Variants in KIF13B observed in about 807,000 individuals in gnomAD.
KIF13B encodes kinesin family member 13B, also known as kinesin-like protein KIF13B.
KIF13B carries 127 observed loss-of-function variants against 222.0 expected under a neutral mutation model. The observed-to-expected ratio is 0.57, with a 90% CI of 0.50 to 0.66. KIF13B has a LOEUF of 0.66. Ranked by LOEUF, KIF13B falls within the 30% of genes least tolerant of loss-of-function variation. The pLI is 0.00. For missense variants in KIF13B, 2,173 were observed against 2,379.0 expected (o/e 0.91, Z 1.80); for synonymous variants, 976 against 919.0 (o/e 1.06, Z -1.12).
At chr8:29,236,025 G>A (rs933651722) in intron 2 of KIF13B, among the ~76,000 whole-genome samples, 52 of 152,186 alleles carry the variant, frequency 3.4e-4, no homozygotes, top group African/African-American at 1.1e-3. Context: ...CAAATGATCC[G>A]GCTTCTTCAA....
At chr8:29,263,126 G>GAGCC (rs887523861), upstream of KIF13B, 9 of 1,114,640 alleles carry the variant, frequency 8.1e-6, no homozygotes, top group Admixed American at 8.9e-5. Context: ...GCCGGGGGCG[G>GAGCC]AGCCGGGGGT....
Position 29,071,329 on chromosome 8 carries a change from T to C in KIF13B, c.5218+291A>G, listed in dbSNP as rs1371690927. 6.6e-6 allele frequency among the ~76,000 whole-genome samples: 1 copy of C among 151,468 alleles called. No individual in the cohort carries two copies. Among genetic ancestry groups the C allele is most frequent in the Non-Finnish European group, 1.5e-5 (1 of 67,860 alleles). On this transcript the variant is annotated intron_variant, in intron 39 of 39. Transcript: ENST00000524189. The surrounding 1 kb of genome is among the most constrained non-coding windows in gnomAD (Gnocchi z 4.9). Reference sequence around the variant, plus strand: ...GGATGAGAAAGCAGAGCCCAGGGAGTGCAGAGGGCAGGGGAGACCGGAACA... The same window carrying C: ...GGATGAGAAAGCAGAGCCCAGGGAGCGCAGAGGGCAGGGGAGACCGGAACA...
At chr8:29,190,655 G>C (rs1483494930) in intron 4 of KIF13B, 1 of 224,298 alleles carries the variant, frequency 4.5e-6, no homozygotes, top group Non-Finnish European at 8.8e-6. Context: ...TTGGAAGCCA[G>C]TAGGTCAGAA....
Position 29,163,874 on chromosome 8 carries a change from G to C in KIF13B, c.1269+1788C>G, listed in dbSNP as rs535484054. Among the ~76,000 whole-genome samples, 263 of 152,286 alleles carry C rather than the reference G, an allele frequency of 1.7e-3. 2 individuals carry two copies. The highest frequency in any genetic ancestry group is 5.9e-3 in the African/African-American group (247 of 41,552). ...TCATGACAACAAATGTTTACTGTTG[G>C]AGCAGCTCAGAATGGCTCACACAAA... On this transcript the variant is annotated intron_variant, in intron 12 of 39. Transcript: ENST00000524189.
intron 1 of KIF13B, among the ~76,000 whole-genome samples, chr8:29,256,305 C>G (rs1348322146): frequency 1.3e-5 from 2 of 152,184 alleles, no homozygotes; most frequent in Non-Finnish European, 2.9e-5. Flanking sequence ...GCAGCGGATT[C>G]CCCAAGTTCA....
At chr8:29,225,829 T>C (rs1433699122) in intron 2 of KIF13B, among the ~76,000 whole-genome samples, 1 of 152,192 alleles carries the variant, frequency 6.6e-6, no homozygotes, top group Non-Finnish European at 1.5e-5. Context: ...TTCCAAATGT[T>C]CAGTACATGG....
intron 1 of KIF13B, among the ~76,000 whole-genome samples, chr8:29,252,061 G>C (rs909937068): frequency 6.6e-6 from 1 of 152,020 alleles, no homozygotes; most frequent in Non-Finnish European, 1.5e-5. Context: ...GAAGGGGGAA[G>C]CGGGAAGGAA....
At chr8:29,251,018 G>A (rs767917168) in intron 1 of KIF13B, among the ~76,000 whole-genome samples, 7 of 152,128 alleles carry the variant, frequency 4.6e-5, no homozygotes, top group Non-Finnish European at 8.8e-5. Context: ...GGGCGTGGAG[G>A]TGGGAGCCTG....
intron 36 of KIF13B, among the ~76,000 whole-genome samples, chr8:29,096,573 C>T (rs144438773): frequency 2.0e-4 from 30 of 152,118 alleles, no homozygotes; most frequent in African/African-American, 6.5e-4. Context: ...TGGGAGCTAC[C>T]GCACCCGGCC....
At chr8:29,262,795 G>A (rs1816733334) in intron 1 of KIF13B, among the ~76,000 whole-genome samples, 185 bp downstream of exon 1, 1 of 151,332 alleles carries the variant, frequency 6.6e-6, no homozygotes, top group African/African-American at 2.4e-5. Context: ...AGGGGGGAAG[G>A]GAGGGGAGAA....
intron 10 of KIF13B, among the ~76,000 whole-genome samples, chr8:29,168,261 T>G (rs1387700596): frequency 6.6e-6 from 1 of 152,232 alleles, no homozygotes; most frequent in Non-Finnish European, 1.5e-5. Context: ...AACTGCTAAG[T>G]ACAGTGAAAC....
intron 2 of KIF13B, among the ~76,000 whole-genome samples, chr8:29,242,792 C>G (rs975453357): frequency 3.3e-5 from 5 of 152,168 alleles, no homozygotes; most frequent in African/African-American, 1.2e-4. Flanking sequence ...ATGTTTTGAC[C>G]TGGTTTTCCA....
At chr8:29,174,811 T>G (rs904250128) in intron 10 of KIF13B, among the ~76,000 whole-genome samples, 1 of 152,234 alleles carries the variant, frequency 6.6e-6, no homozygotes, top group African/African-American at 2.4e-5. Context: ...GAATGTTTTA[T>G]TTTAACAAAA....
intron 32 of KIF13B, 61 bp from the exon 33 acceptor site, chr8:29,110,131 G>T: frequency 7.5e-7 from 1 of 1,335,542 alleles, no homozygotes. Flanking sequence ...ACACGTACAC[G>T]CGTGCACACA....
chr8:29,071,261 A>T lies in KIF13B; in HGVS notation c.5218+359T>A, dbSNP rs1025876796. 5.3e-5 allele frequency among the ~76,000 whole-genome samples: 8 copies of T among 152,222 alleles called. No individual in the cohort carries two copies. Among genetic ancestry groups the T allele is most frequent in the Admixed American group, 5.2e-4 (8 of 15,304 alleles). ...CGAGATGTGTCCGGATGGGGTGAGG[A>T]AGAGCCTCCTGGAACGGCAAAGGGG... is the stretch of plus-strand genomic sequence containing the variant. On this transcript the variant is annotated intron_variant, in intron 39 of 39. Coordinates refer to ENST00000524189, the MANE Select transcript of KIF13B (RefSeq NM_015254.4). This position sits in a 1 kb window ranked among gnomAD's most constrained non-coding sequence, Gnocchi z 4.9.
chr8:29,231,199 AG>A (rs1254775916), intron 2 of KIF13B, among the ~76,000 whole-genome samples: 1 of 152,168 alleles, frequency 6.6e-6, no homozygotes, highest in African/African-American at 2.4e-5. Context: ...ACTCTTAACC[AG>A]TCTCTGTCCC....
chr8:29,132,176 G>T (rs1810372961), intron 23 of KIF13B, 132 bp downstream of exon 23: 2 of 517,066 alleles, frequency 3.9e-6, no homozygotes, highest in Non-Finnish European at 6.2e-6. Context: ...CTCCCAGGAG[G>T]CAGAGGCTGC....
rs373129126 is a variant in KIF13B at position 29,104,635 on chromosome 8, C to G, written c.4215+3504G>C. Among the ~76,000 whole-genome samples, 3 of 152,192 alleles carry G rather than the reference C, an allele frequency of 2.0e-5. No homozygotes were observed. In the East Asian group the frequency reaches 5.8e-4, roughly 29 times the overall value. On this transcript the variant is annotated intron_variant, in intron 35 of 39. Coordinates refer to ENST00000524189, the MANE Select transcript of KIF13B (RefSeq NM_015254.4). ...ATTACTGCTCTGTTTTCAAGTCCTT[C>G]CATGGTGTCCAACTCCCCTGCCATT...
In KIF13B at chr8:29,067,561, GCAGCCCAC is replaced by G. The variant is rs1426159137; in HGVS notation, c.*2935_*2942del. ...AGACCCCCCAACACCATTAGTGTCT[GCAGCCCAC>G]CAGGAAGGCACCACGGACTTTGTGG... On this transcript the variant is annotated 3_prime_UTR_variant, in exon 40 of 40. Transcript: ENST00000524189. 1 of 152,288 alleles carries G rather than the reference GCAGCCCAC, an allele frequency of 6.6e-6. No individual in the cohort carries two copies. The highest frequency in any genetic ancestry group is 6.5e-5 in the Admixed American group (1 of 15,284). 9.4% of individuals were successfully genotyped at this position (152,288 alleles called of 1,614,324 possible).
Sources: allele counts gnomAD v4.1 joint callset (sites outside exome capture counted in the v4.1 genomes callset), GRCh38; gene constraint gnomAD v4.1.1; non-coding constraint Gnocchi (gnomAD v3.1); transcripts MANE v1.5; gene names NCBI Gene and HGNC (gene_info 2026-07-23, HGNC 2026-07-21).